Variants in TLN2 observed in about 807,000 individuals in gnomAD.
The protein encoded by TLN2 is talin 2, also known as talin-2.
A neutral mutation model predicts 294.7 loss-of-function variants in TLN2; 118 were observed. The observed-to-expected ratio is 0.40, with a 90% CI of 0.34 to 0.47. The LOEUF (loss-of-function observed/expected upper bound fraction) is 0.47, where lower values mean the gene tolerates loss of function less well. Among genes scored for constraint, TLN2 ranks in the 20% least tolerant of loss-of-function variants. TLN2 has a pLI of 0.84. For synonymous variants in TLN2, 1,431 were observed against 1,304.5 expected (o/e 1.10, Z -2.09); for missense variants, 3,083 against 3,282.2 (o/e 0.94, Z 1.48).
chr15:62,653,198 A>G lies in TLN2; in HGVS notation c.401A>G (p.Glu134Gly). 2.5e-6 allele frequency: 4 copies of G among 1,604,924 alleles called. No homozygotes were observed. The highest frequency in any genetic ancestry group is 3.4e-6 in the Non-Finnish European group (4 of 1,175,396). Residue 134 changes from glutamate to glycine, a missense_variant, in exon 7 of 59, where the codon GAA (glutamate) becomes GGA (glycine). Glu to Gly is a moderately conservative substitution (Grantham distance 98). Transcript: ENST00000636159. The stretch of plus-strand genomic sequence containing the variant: ...TATGAAGAATACTCCTTAATCCAAG[A>G]AACTATTGAAGAAAAGAAAGAGGAA... Reference protein sequence around the residue: ...TNYEEYSLIQETIEEKKEEGT... With the variant: ...TNYEEYSLIQGTIEEKKEEGT...
At chr15:62,836,117 G>C (rs368197225) in intron 57 of TLN2, 44 bp downstream of exon 57, 14 of 1,560,238 alleles carry the variant, frequency 9.0e-6, no homozygotes, top group Non-Finnish European at 1.2e-5. Context: ...CTGTTGGAGC[G>C]GGTAAGTGTC....
intron 3 of TLN2, among the ~76,000 whole-genome samples, chr15:62,627,227 C>T (rs929794259): frequency 6.6e-6 from 1 of 152,132 alleles, no homozygotes; most frequent in African/African-American, 2.4e-5. Flanking sequence ...ATGATCCATC[C>T]TCTTGGATGT....
chr15:62,465,484 C>T (rs1411795665), intron 1 of TLN2, among the ~76,000 whole-genome samples: 1 of 152,184 alleles, frequency 6.6e-6, no homozygotes, highest in African/African-American at 2.4e-5. Context: ...GAACATTTTA[C>T]ATGTAAAACA....
At chr15:62,519,319 C>G (rs988729569) in intron 1 of TLN2, among the ~76,000 whole-genome samples, 4 of 152,198 alleles carry the variant, frequency 2.6e-5, no homozygotes, top group Non-Finnish European at 4.4e-5. Context: ...TGGTAAATAA[C>G]TCATAAATAT....
chr15:62,736,454 C>T lies in TLN2; in HGVS notation c.3359-424C>T, dbSNP rs1292170140. ...TATCCATATGTACCAATTCACGGAGCTGCACATGTAGACTTGTTCACTGTA... is the reference window on the plus strand; with the variant it reads ...TATCCATATGTACCAATTCACGGAGTTGCACATGTAGACTTGTTCACTGTA... On this transcript the variant is annotated intron_variant, in intron 28 of 58. Coordinates refer to ENST00000636159, the MANE Select transcript of TLN2 (RefSeq NM_015059.3). 2.0e-5 allele frequency among the ~76,000 whole-genome samples: 3 copies of T among 152,132 alleles called. No individual in the cohort carries two copies. The East Asian group carries it at 5.8e-4, about 29-fold the overall frequency.
chr15:62,749,761 G>A lies in TLN2; in HGVS notation c.4120-641G>A, dbSNP rs561331054. ...AAAGTCCCTTACAAGTGGTGATCAA[G>A]TTCATTACAATGCCATGACAGAGCT... is the stretch of plus-strand genomic sequence containing the variant. On this transcript the variant is annotated intron_variant, in intron 33 of 58. Coordinates refer to ENST00000636159, the MANE Select transcript of TLN2 (RefSeq NM_015059.3). 1.2e-4 allele frequency among the ~76,000 whole-genome samples: 18 copies of A among 152,332 alleles called. 1 individual carries two copies. In the South Asian group the frequency reaches 3.5e-3, roughly 30 times the overall value.
At chr15:62,738,487 G>C (rs926066201) in intron 30 of TLN2, among the ~76,000 whole-genome samples, 154 bp downstream of exon 30, 8 of 152,166 alleles carry the variant, frequency 5.3e-5, no homozygotes, top group Non-Finnish European at 8.8e-5. Flanking sequence ...ATGTTTTGCT[G>C]TCTGATCAAC....
intron 3 of TLN2, among the ~76,000 whole-genome samples, chr15:62,636,143 G>C (rs1179096404): frequency 6.6e-6 from 1 of 152,142 alleles, no homozygotes; most frequent in Non-Finnish European, 1.5e-5. Context: ...GTATGTATTA[G>C]TTTTAATTCT....
chr15:62,796,071 T>C, intron 46 of TLN2, 56 bp from the exon 47 acceptor site: 1 of 1,580,306 alleles, frequency 6.3e-7, no homozygotes, highest in Non-Finnish European at 8.6e-7. Context: ...GAATCTGCTT[T>C]TAGGTCCTGT....
chr15:62,409,420 A>AT (rs1299632662), intron 1 of TLN2, among the ~76,000 whole-genome samples: 4 of 151,940 alleles, frequency 2.6e-5, no homozygotes, highest in Non-Finnish European at 4.4e-5. Context: ...ATTTGTTTCC[A>AT]TTTTTTTCTG....
intron 1 of TLN2, among the ~76,000 whole-genome samples, chr15:62,433,771 T>G (rs2035143247): frequency 6.6e-6 from 1 of 152,076 alleles, no homozygotes; most frequent in African/African-American, 2.4e-5. Context: ...TGTGGATCAC[T>G]TGAGATCAGG....
At chr15:62,770,421 C>T (rs189123839) in intron 41 of TLN2, among the ~76,000 whole-genome samples, 41 of 152,264 alleles carry the variant, frequency 2.7e-4, no homozygotes, top group African/African-American at 9.1e-4. Context: ...TTTTTGTTCT[C>T]CCAAGTTGGG....
intron 1 of TLN2, among the ~76,000 whole-genome samples, chr15:62,532,101 G>T (rs1243230511): frequency 6.6e-6 from 1 of 151,466 alleles, no homozygotes; most frequent in Non-Finnish European, 1.5e-5. Context: ...CCAGGCTGGG[G>T]TGCAAAGGGG....
chr15:62,752,005 T>C (rs955765281), intron 34 of TLN2, among the ~76,000 whole-genome samples: 1 of 152,238 alleles, frequency 6.6e-6, no homozygotes, highest in African/African-American at 2.4e-5. Context: ...GAACTAGTTA[T>C]CAGTTTAGAC....
intron 1 of TLN2, among the ~76,000 whole-genome samples, chr15:62,537,682 G>T (rs2041440033): frequency 6.6e-6 from 1 of 152,192 alleles, no homozygotes; most frequent in Admixed American, 6.5e-5. Flanking sequence ...AGGGTTATCT[G>T]AGAGGTGGAA....
intron 1 of TLN2, among the ~76,000 whole-genome samples, chr15:62,487,934 C>T (rs554271569): frequency 1.3e-4 from 19 of 150,588 alleles, no homozygotes; most frequent in Non-Finnish European, 2.2e-4. Context: ...ATAAAATTGC[C>T]AGGCATGGTG....
chr15:62,835,666 TCTGGGGATGAGGGGCTGCGACCA>T lies in TLN2; in HGVS notation c.7129-64_7129-42del, dbSNP rs2069449043. 6 of 1,561,056 alleles carry T rather than the reference TCTGGGGATGAGGGGCTGCGACCA, an allele frequency of 3.8e-6. 1 individual carries two copies. The South Asian group carries it at 6.7e-5, about 17-fold the overall frequency. On this transcript the variant is annotated intron_variant, in intron 55 of 58. Transcript: ENST00000636159. Reference sequence around the variant, plus strand: ...GTACAAGTCTGGTTCCCGAGCAAGGTCTGGGGATGAGGGGCTGCGACCACTGGGGCTGCCTGCCCTCATGGCCA... The same window carrying T: ...GTACAAGTCTGGTTCCCGAGCAAGGTCTGGGGCTGCCTGCCCTCATGGCCA...
chr15:62,803,814 T>G (rs1486444767), intron 50 of TLN2, among the ~76,000 whole-genome samples: 1 of 152,204 alleles, frequency 6.6e-6, no homozygotes, highest in African/African-American at 2.4e-5. Context: ...ATTTAGTTGG[T>G]TCAGTGAGGT....
At chr15:62,604,999 A>G (rs2047316387) in intron 2 of TLN2, among the ~76,000 whole-genome samples, 1 of 152,030 alleles carries the variant, frequency 6.6e-6, no homozygotes, top group Non-Finnish European at 1.5e-5. Context: ...TTCTTACTAC[A>G]TTTGCAGGCT....
Sources: gnomAD v4.1 joint callset for allele counts (sites outside exome capture counted in the v4.1 genomes callset) on GRCh38, gnomAD v4.1.1 for gene constraint, MANE v1.5 for transcripts, NCBI Gene and HGNC (gene_info 2026-07-23, HGNC 2026-07-21) for gene names.